Variants in THSD4 observed in about 807,000 individuals in gnomAD.
The protein encoded by THSD4 is thrombospondin type-1 domain-containing protein 4.
Under a neutral mutation model 119.0 loss-of-function variants are expected in THSD4, and 69 were observed. That is an observed-to-expected ratio of 0.58 (90% CI 0.48 to 0.71). THSD4 has a LOEUF of 0.71. THSD4 is among the 30% of genes least tolerant of loss of function. The pLI is 0.00. For missense variants in THSD4, 1,393 were observed against 1,391.1 expected (o/e 1.00, Z -0.02); for synonymous variants, 524 against 540.4 (o/e 0.97, Z 0.42).
At chr15:71,345,524 AG>A (rs565383320) in intron 6 of THSD4, among the ~76,000 whole-genome samples, 145 of 152,320 alleles carry the variant, frequency 9.5e-4, no homozygotes, top group Non-Finnish European at 1.8e-3. Flanking sequence ...ATCTGGAGGT[AG>A]CCAGTCTGAG....
intron 17 of THSD4, among the ~76,000 whole-genome samples, chr15:71,773,766 C>A (rs1043887250): frequency 6.6e-6 from 1 of 152,192 alleles, no homozygotes; most frequent in Non-Finnish European, 1.5e-5. Context: ...TTTGATGATG[C>A]TGCTGAAGAA....
chr15:71,181,140 T>G (rs1032690697), intron 3 of THSD4, among the ~76,000 whole-genome samples: 1 of 152,220 alleles, frequency 6.6e-6, no homozygotes, highest in Non-Finnish European at 1.5e-5. Context: ...TGGAAGCTGA[T>G]TCTAAAGCAG....
intron 3 of THSD4, among the ~76,000 whole-genome samples, chr15:71,182,097 C>A (rs1421115064): frequency 6.8e-6 from 1 of 147,088 alleles, no homozygotes; most frequent in African/African-American, 2.4e-5. Flanking sequence ...TTTGAGTGTT[C>A]CTTCTCTATG....
chr15:71,569,599 G>A lies in THSD4; in HGVS notation c.1153-90931G>A, dbSNP rs548113471. On this transcript the variant is annotated intron_variant, in intron 7 of 17. Transcript: ENST00000261862. ...TGAGTAAGACTGGTGTCTAAACTCC[G>A]TGCCTTTACATCTAACTAGAGATGT... 1.9e-4 allele frequency among the ~76,000 whole-genome samples: 29 copies of A among 152,340 alleles called. No homozygotes were observed. The South Asian group carries it at 2.9e-3, about 15-fold the overall frequency.
intron 4 of THSD4, among the ~76,000 whole-genome samples, chr15:71,216,457 A>G (rs2043933519): frequency 6.6e-6 from 1 of 152,224 alleles, no homozygotes; most frequent in Non-Finnish European, 1.5e-5. Context: ...GAAGGTGGAA[A>G]GGAGATGCGA....
At chr15:71,531,139 C>G (rs1044617734) in intron 7 of THSD4, among the ~76,000 whole-genome samples, 1 of 151,952 alleles carries the variant, frequency 6.6e-6, no homozygotes, top group Admixed American at 6.6e-5. Flanking sequence ...TAGAGGGAGA[C>G]CAGAGGGTCA....
At chr15:71,114,025 A>G (rs958541004), upstream of THSD4, among the ~76,000 whole-genome samples, 1 of 152,132 alleles carries the variant, frequency 6.6e-6, no homozygotes, top group Non-Finnish European at 1.5e-5. Context: ...GACACTCAGA[A>G]TTAATCTAAT....
At chr15:71,288,964 G>A (rs926368101) in intron 6 of THSD4, among the ~76,000 whole-genome samples, 3 of 152,140 alleles carry the variant, frequency 2.0e-5, no homozygotes, top group Non-Finnish European at 2.9e-5. Context: ...TATTAGTACT[G>A]CTTTTTGAAT....
chr15:71,730,671 G>A (rs2052958811), intron 9 of THSD4: 1 of 154,932 alleles, frequency 6.5e-6, no homozygotes, highest in South Asian at 2.0e-4. Flanking sequence ...GAACTTTGAG[G>A]GAACCTAAAG....
chr15:71,249,894 C>T (rs1047829576), intron 5 of THSD4, among the ~76,000 whole-genome samples: 3 of 129,154 alleles, frequency 2.3e-5, no homozygotes, highest in Non-Finnish European at 5.2e-5. Context: ...ACCCCCTTTC[C>T]TTCCACTCCT....
At chr15:71,319,290 G>A (rs2045234172) in intron 6 of THSD4, among the ~76,000 whole-genome samples, 2 of 152,050 alleles carry the variant, frequency 1.3e-5, no homozygotes, top group South Asian at 4.2e-4. Flanking sequence ...TGTGCACAAC[G>A]TGCAGGTTTG....
chr15:71,671,092 G>C (rs2051518293), intron 8 of THSD4, among the ~76,000 whole-genome samples: 2 of 152,244 alleles, frequency 1.3e-5, no homozygotes, highest in South Asian at 2.1e-4. Flanking sequence ...CTAATTTACA[G>C]TCCCACCAAC....
At chr15:71,629,662 G>A (rs7180323) in intron 7 of THSD4, among the ~76,000 whole-genome samples, 2 of 152,102 alleles carry the variant, frequency 1.3e-5, no homozygotes, top group Non-Finnish European at 2.9e-5. Context: ...GTAGACTTGC[G>A]TCTTCTACCT....
In THSD4 at chr15:71,780,463, A is replaced by G. The variant is rs541831848; in HGVS notation, c.*3089A>G. The G allele has an allele frequency of 8.0e-6, 2 of 251,258 alleles. No homozygotes were observed. The highest frequency in any genetic ancestry group is 8.3e-6 in the Non-Finnish European group (1 of 120,308). 15.6% of individuals were successfully genotyped at this position (251,258 alleles called of 1,614,324 possible). A position where few individuals can be genotyped will look rare whatever the true frequency, so the allele number is the denominator to read the frequency against. On this transcript the variant is annotated 3_prime_UTR_variant, in exon 18 of 18. Coordinates refer to ENST00000261862, the MANE Select transcript of THSD4 (RefSeq NM_024817.3). ...AGTACTATCGATTCTTTCCACCCTCACGATGACTTGCGGTTCTCTCTGTAG... is the reference window on the plus strand; with the variant it reads ...AGTACTATCGATTCTTTCCACCCTCGCGATGACTTGCGGTTCTCTCTGTAG...
intron 7 of THSD4, among the ~76,000 whole-genome samples, chr15:71,653,651 G>T (rs1285299936): frequency 6.6e-6 from 1 of 152,206 alleles, no homozygotes; most frequent in Non-Finnish European, 1.5e-5. Context: ...AGGATGAGAA[G>T]CTAGGTTTCT....
chr15:71,664,127 C>G (rs377114690), intron 8 of THSD4, among the ~76,000 whole-genome samples: 1 of 151,908 alleles, frequency 6.6e-6, no homozygotes, highest in Non-Finnish European at 1.5e-5. Context: ...GGACTACAGG[C>G]GCTCACCACC....
intron 7 of THSD4, among the ~76,000 whole-genome samples, chr15:71,466,403 C>A (rs1337845893): frequency 6.6e-6 from 1 of 151,744 alleles, no homozygotes; most frequent in Non-Finnish European, 1.5e-5. Context: ...GAAAAAGGGT[C>A]AGACATGGTT....
intron 6 of THSD4, chr15:71,341,376 C>T: frequency 6.2e-7 from 1 of 1,611,422 alleles, no homozygotes; most frequent in Non-Finnish European, 8.5e-7. Flanking sequence ...TGCTCAATGA[C>T]CAGAGAATCT....
At chr15:71,655,767 G>A (rs1875418) in intron 7 of THSD4, among the ~76,000 whole-genome samples, 38,690 of 152,036 alleles carry the variant, frequency 0.25, 5,772 homozygotes, top group East Asian at 0.69. Flanking sequence ...GTGGTGCCTC[G>A]GAAAGAGTCT....
Sources: gnomAD v4.1 joint callset for allele counts (sites outside exome capture counted in the v4.1 genomes callset) on GRCh38, gnomAD v4.1.1 for gene constraint, MANE v1.5 for transcripts, NCBI Gene and HGNC (gene_info 2026-07-23, HGNC 2026-07-21) for gene names.